The following DIP2C variants were observed in gnomAD, a reference collection of about 807,000 sequenced individuals.
DIP2C encodes disco-interacting protein 2 homolog C.
A neutral mutation model predicts 192.4 loss-of-function variants in DIP2C; 33 were observed. The ratio of observed to expected loss-of-function variants is 0.17; its 90% confidence interval spans 0.13 to 0.23. The LOEUF is 0.23. Among genes scored for constraint, DIP2C ranks in the 10% least tolerant of loss-of-function variants. DIP2C has a pLI of 1.00. For missense variants in DIP2C, 1,537 were observed against 2,110.1 expected (o/e 0.73, Z 5.32); for synonymous variants, 979 against 864.1 (o/e 1.13, Z -2.33).
chr10:323,403 GCGAGAGACCGGCGC>G (rs1957109363), intron 31 of DIP2C, among the ~76,000 whole-genome samples: 3 of 127,020 alleles, frequency 2.4e-5, no homozygotes, highest in South Asian at 2.9e-4. Flanking sequence ...CGGGGCTCCG[GCGAGAGACCGGCGC>G]TGTTAGAACA....
In DIP2C at chr10:283,392, C is replaced by T. The variant is rs770097196; in HGVS notation, c.4174G>A (p.Glu1392Lys). 8 of 1,614,170 alleles carry T rather than the reference C, an allele frequency of 5.0e-6. No homozygotes were observed. Among genetic ancestry groups the T allele is most frequent in the South Asian group, 2.2e-5 (2 of 91,080 alleles). ...ASGYFTIYGD[E>K]SLQSDHFNSR... ...TTGAAGTGATCTGACTGGAGGGATTCGTCTCCGTAAATAGTGAAATAACCG... is the reference window on the plus strand; with the variant it reads ...TTGAAGTGATCTGACTGGAGGGATTTGTCTCCGTAAATAGTGAAATAACCG... The change falls in exon 35 of 37, where the codon GAA (glutamate) becomes AAA (lysine). Residue 1392 changes from glutamate to lysine, a missense_variant. Glu to Lys is a moderately conservative substitution (Grantham distance 56). This residue lies in a region of DIP2C where 341 missense variants were observed against 551.7 expected (regional missense o/e 0.62). Transcript: ENST00000280886.
At chr10:563,670 C>CATTA (rs1214130106) in intron 1 of DIP2C, among the ~76,000 whole-genome samples, 1 of 152,180 alleles carries the variant, frequency 6.6e-6, no homozygotes. Context: ...CAAGGAAAGC[C>CATTA]ATTAACCAGT....
chr10:641,075 C>G (rs1855170152), intron 1 of DIP2C, among the ~76,000 whole-genome samples: 1 of 151,904 alleles, frequency 6.6e-6, no homozygotes, highest in Non-Finnish European at 1.5e-5. Flanking sequence ...TATTCTGTCT[C>G]TCTTCCTATA....
chr10:451,800 G>A (rs1038069222), intron 3 of DIP2C, among the ~76,000 whole-genome samples: 1 of 152,178 alleles, frequency 6.6e-6, no homozygotes, highest in African/African-American at 2.4e-5. Flanking sequence ...CTAACACAAA[G>A]CAATCATGTG....
chr10:358,642 GA>G (rs1219802797), intron 22 of DIP2C, among the ~76,000 whole-genome samples: 2 of 4,658 alleles, frequency 4.3e-4, no homozygotes, highest in African/African-American at 5.1e-3. Context: ...GGGGACGGGG[GA>G]TGGGAGGTGG....
intron 1 of DIP2C, among the ~76,000 whole-genome samples, chr10:505,126 A>G (rs1001578809): frequency 2.0e-5 from 3 of 152,116 alleles, no homozygotes; most frequent in African/African-American, 7.2e-5. Flanking sequence ...CATCTCCCCA[A>G]AAGAAAACTG....
intron 1 of DIP2C, among the ~76,000 whole-genome samples, chr10:615,363 A>T (rs2131803196): frequency 6.6e-6 from 1 of 152,262 alleles, no homozygotes; most frequent in East Asian, 1.9e-4. Context: ...ACTCGCAGCC[A>T]CCCGCATAGG....
At chr10:326,894 CTT>C in intron 31 of DIP2C, 110 bp downstream of exon 31, 2 of 1,331,708 alleles carry the variant, frequency 1.5e-6, no homozygotes, top group Non-Finnish European at 2.0e-6. Flanking sequence ...TGAAAGATCT[CTT>C]CTGGATGTAG....
At position 364,442 on chromosome 10, in the gene DIP2C, C is replaced by G; in HGVS notation, c.2409G>C (p.Arg803Ser). The change falls in exon 20 of 37, where the codon AGG (arginine) becomes AGC (serine). Residue 803 changes from arginine to serine, a missense_variant. By Grantham distance (110) the Arg-to-Ser change is moderately radical. Coordinates refer to ENST00000280886, the MANE Select transcript of DIP2C (RefSeq NM_014974.3). ...MDGLMVVSGR[R>S]HNADDIVATA... ...TGGCCACGATGTCGTCGGCGTTGTG[C>G]CTGCGCCCGCTGACCACCATGAGGC... 1 of 1,614,078 alleles carries G rather than the reference C, an allele frequency of 6.2e-7. No individual in the cohort carries two copies. The highest frequency in any genetic ancestry group is 8.5e-7 in the Non-Finnish European group (1 of 1,180,036).
At chr10:501,162 G>A (rs117971766) in intron 1 of DIP2C, among the ~76,000 whole-genome samples, 147 of 152,294 alleles carry the variant, frequency 9.7e-4, no homozygotes, top group Middle Eastern at 3.4e-3. Context: ...TTGCAGGGAG[G>A]AAAGCAGAGA....
intron 1 of DIP2C, among the ~76,000 whole-genome samples, chr10:518,496 G>A (rs934347489): frequency 6.6e-6 from 1 of 152,222 alleles, no homozygotes; most frequent in Non-Finnish European, 1.5e-5. Flanking sequence ...GTCTTTGGGA[G>A]GTGATGAGTT....
At chr10:340,615 A>C in intron 29 of DIP2C, 1 of 369,592 alleles carries the variant, frequency 2.7e-6, no homozygotes, top group South Asian at 2.0e-5. Context: ...TACAATGAAC[A>C]TGTATGTATA....
intron 1 of DIP2C, among the ~76,000 whole-genome samples, chr10:557,634 C>A (rs572667637): frequency 2.5e-5 from 3 of 118,216 alleles, no homozygotes; most frequent in African/African-American, 1.0e-4. Context: ...ACATATGACC[C>A]AATACAGGGT....
intron 1 of DIP2C, among the ~76,000 whole-genome samples, chr10:687,024 T>C (rs1037425272): frequency 6.6e-6 from 1 of 152,266 alleles, no homozygotes; most frequent in African/African-American, 2.4e-5. Context: ...CATATGTTTC[T>C]ATAATATTTT....
chr10:581,674 G>GCA (rs1461473324), intron 1 of DIP2C, among the ~76,000 whole-genome samples: 3 of 152,190 alleles, frequency 2.0e-5, no homozygotes, highest in African/African-American at 7.2e-5. Context: ...CAGCAAGGCT[G>GCA]CACACACAGG....
chr10:552,846 C>T (rs1452778080), intron 1 of DIP2C, among the ~76,000 whole-genome samples: 3 of 152,132 alleles, frequency 2.0e-5, no homozygotes, highest in Non-Finnish European at 4.4e-5. Flanking sequence ...AAGACTCCAT[C>T]TCAAAAAAAA....
chr10:467,038 T>C (rs1389228950), intron 3 of DIP2C, among the ~76,000 whole-genome samples: 1 of 151,426 alleles, frequency 6.6e-6, no homozygotes, highest in African/African-American at 2.4e-5. Context: ...ACTGGGTATA[T>C]ACCCAAATGA....
rs1554847955 is a variant in DIP2C, at chr10:414,739, G to GTATATATATATATATATATATATATATA, written c.860-630_860-629insTATATATATATATATATATATATATATA. Among the ~76,000 whole-genome samples, 46 of 90,492 alleles carry GTATATATATATATATATATATATATATA rather than the reference G, an allele frequency of 5.1e-4. 1 individual carries two copies. Among genetic ancestry groups the GTATATATATATATATATATATATATATA allele is most frequent in the Admixed American group, 5.9e-4 (5 of 8,522 alleles). 59.4% of individuals were successfully genotyped at this position (90,492 alleles called of 152,430 possible). A position where few individuals can be genotyped will look rare whatever the true frequency, so the allele number is the denominator to read the frequency against. ...TGTGTGTGTGTGTGTGTGTGTGTGT[G>GTATATATATATATATATATATATATATA]TACATATATATATATATAATGTGTA... On this transcript the variant is annotated intron_variant, in intron 7 of 36. Coordinates refer to ENST00000280886, the MANE Select transcript of DIP2C (RefSeq NM_014974.3).
At chr10:304,092 G>A (rs1392415242) in intron 32 of DIP2C, among the ~76,000 whole-genome samples, 1 of 152,152 alleles carries the variant, frequency 6.6e-6, no homozygotes, top group Non-Finnish European at 1.5e-5. Context: ...TATGCTCTAA[G>A]ATAACGACAT....
Sources: allele counts gnomAD v4.1 joint callset (sites outside exome capture counted in the v4.1 genomes callset), GRCh38; gene constraint gnomAD v4.1.1; regional missense constraint gnomAD v4.1.1; transcripts MANE v1.5; gene names NCBI Gene and HGNC (gene_info 2026-07-23, HGNC 2026-07-21).